Variants in RGS8 observed in about 807,000 individuals in gnomAD.
RGS8 encodes regulator of G protein signaling 8.
RGS8 carries 8 observed loss-of-function variants against 21.7 expected under a neutral mutation model. That is an observed-to-expected ratio of 0.37 (90% CI 0.22 to 0.66). The LOEUF (loss-of-function observed/expected upper bound fraction) is 0.66, where lower values mean the gene tolerates loss of function less well. Among genes scored for constraint, RGS8 ranks in the 30% least tolerant of loss-of-function variants. RGS8 has a pLI of 0.59. For missense variants in RGS8, 157 were observed against 217.9 expected (o/e 0.72, Z 1.76); for synonymous variants, 80 against 83.6 (o/e 0.96, Z 0.24).
the RGS8 span, among the ~76,000 whole-genome samples, chr1:182,746,860 A>C: frequency 1.3e-5 from 2 of 152,028 alleles, no homozygotes; most frequent in Non-Finnish European, 2.9e-5. Context: ...TTCTTTAAAG[A>C]TAGGAAATGC....
chr1:182,651,360 G>T (rs1193047793), intron 5 of RGS8, among the ~76,000 whole-genome samples: 1 of 152,146 alleles, frequency 6.6e-6, no homozygotes, highest in Admixed American at 6.5e-5. Context: ...CCCTAAATGT[G>T]CTCAGAACAC....
the RGS8 span, among the ~76,000 whole-genome samples, chr1:182,723,599 T>C: frequency 6.6e-6 from 1 of 152,232 alleles, no homozygotes; most frequent in Non-Finnish European, 1.5e-5. Flanking sequence ...GATGTGTTAC[T>C]TGTGCTGTAT....
chr1:182,692,792 T>C, the RGS8 span, among the ~76,000 whole-genome samples: 3 of 144,386 alleles, frequency 2.1e-5, no homozygotes, highest in African/African-American at 7.7e-5. Context: ...CATAGACCAA[T>C]AGAACAGGTT....
At chr1:182,741,156 C>G in the RGS8 span, among the ~76,000 whole-genome samples, 1 of 148,206 alleles carries the variant, frequency 6.7e-6, no homozygotes, top group African/African-American at 2.5e-5. Flanking sequence ...CCTCACCTCC[C>G]GGACGGGGCG....
the RGS8 span, among the ~76,000 whole-genome samples, chr1:182,727,890 T>C: frequency 6.6e-6 from 1 of 152,304 alleles, no homozygotes; most frequent in South Asian, 2.1e-4. Flanking sequence ...TACTCTTCAA[T>C]AACAAATGTA....
the RGS8 span, among the ~76,000 whole-genome samples, chr1:182,725,316 G>A: frequency 0.012 from 1,799 of 152,310 alleles, 28 homozygotes; most frequent in African/African-American, 0.039. Flanking sequence ...GAAGTTACTT[G>A]TTAAAACAGA....
chr1:182,733,377 T>C, the RGS8 span, among the ~76,000 whole-genome samples: 1 of 152,226 alleles, frequency 6.6e-6, no homozygotes, highest in Admixed American at 6.5e-5. Context: ...ATTTTAAGTA[T>C]CCATCTGCTA....
At chr1:182,662,624 G>A (rs1432928374) in intron 5 of RGS8, among the ~76,000 whole-genome samples, 1 of 152,204 alleles carries the variant, frequency 6.6e-6, no homozygotes, top group Non-Finnish European at 1.5e-5. Flanking sequence ...TCTGCCCCCA[G>A]ATCAGTTAGG....
the RGS8 span, among the ~76,000 whole-genome samples, chr1:182,730,697 C>T: frequency 2.7e-5 from 4 of 147,516 alleles, no homozygotes; most frequent in African/African-American, 1.0e-4. Flanking sequence ...GTGACAAGAG[C>T]GAGACTGCAT....
the RGS8 span, among the ~76,000 whole-genome samples, chr1:182,752,206 C>T: frequency 6.6e-6 from 1 of 152,212 alleles, no homozygotes; most frequent in Non-Finnish European, 1.5e-5. Flanking sequence ...GACATGACAG[C>T]AGAGGCTGGG....
At chr1:182,681,101 G>A (rs114424089) in intron 1 of RGS8, among the ~76,000 whole-genome samples, 5,681 of 152,284 alleles carry the variant, frequency 0.037, 365 homozygotes, top group African/African-American at 0.13. Context: ...TGAAAACATT[G>A]AGTCACAGGG....
chr1:182,658,804 G>GCTA (rs1169432392), intron 5 of RGS8: 1 of 152,234 alleles, frequency 6.6e-6, no homozygotes, highest in Non-Finnish European at 1.5e-5. Context: ...CTATGATCAT[G>GCTA]CTACTGCACT....
the RGS8 span, among the ~76,000 whole-genome samples, chr1:182,711,060 T>C: frequency 6.6e-6 from 1 of 151,868 alleles, no homozygotes; most frequent in Admixed American, 6.6e-5. Flanking sequence ...GATTCCTGAG[T>C]TGGTAGGTGA....
the RGS8 span, among the ~76,000 whole-genome samples, chr1:182,741,488 C>G: frequency 1.5e-5 from 2 of 131,630 alleles, no homozygotes; most frequent in African/African-American, 5.8e-5. Context: ...GGCGGCTGGC[C>G]GGGCGGGGGG....
the RGS8 span, among the ~76,000 whole-genome samples, chr1:182,722,751 T>C: frequency 6.6e-6 from 1 of 151,468 alleles, no homozygotes; most frequent in Admixed American, 6.6e-5. Flanking sequence ...CTGAGGCGGG[T>C]GGATCACGAG....
the RGS8 span, among the ~76,000 whole-genome samples, chr1:182,741,912 G>A: frequency 6.9e-6 from 1 of 145,764 alleles, no homozygotes; most frequent in Non-Finnish European, 1.5e-5. Context: ...GGAGGAGGTG[G>A]CTGCCGGGCG....
the RGS8 span, among the ~76,000 whole-genome samples, chr1:182,715,265 A>C: frequency 3.3e-5 from 5 of 152,186 alleles, no homozygotes; most frequent in African/African-American, 1.2e-4. Context: ...CCTAGAAAAC[A>C]TCTTTCTCCC....
At chr1:182,645,339 A>T (rs1662657605), downstream of RGS8, 1 of 152,258 alleles carries the variant, frequency 6.6e-6, no homozygotes, top group Non-Finnish European at 1.5e-5. Flanking sequence ...CCTGGAAACC[A>T]GCCTCTTACA....
chr1:182,647,022 T>A, intron 6 of RGS8, 105 bp from the exon 8 acceptor site: 1 of 973,084 alleles, frequency 1.0e-6, no homozygotes, highest in Non-Finnish European at 1.5e-6. Flanking sequence ...TCTACATATT[T>A]AAGGTGATTT....
Sources: gnomAD v4.1 joint callset for allele counts (sites outside exome capture counted in the v4.1 genomes callset) on GRCh38, gnomAD v4.1.1 for gene constraint, MANE v1.5 for transcripts, NCBI Gene and HGNC (gene_info 2026-07-23, HGNC 2026-07-21) for gene names.